PCDH9: variants seen among roughly 807,000 people sequenced by gnomAD.
The protein encoded by PCDH9 is protocadherin 9.
A neutral mutation model predicts 70.6 loss-of-function variants in PCDH9; 24 were observed. The ratio of observed to expected loss-of-function variants is 0.34; its 90% CI spans 0.25 to 0.48. The LOEUF (loss-of-function observed/expected upper bound fraction) is 0.48, where lower values mean the gene tolerates loss of function less well. Among genes scored for constraint, PCDH9 ranks in the 20% least tolerant of loss-of-function variants. PCDH9 has a pLI of 0.99. For synonymous variants in PCDH9, 562 were observed against 558.5 expected, an observed-to-expected ratio of 1.01 and a Z score of -0.09; for missense variants, 1,281 against 1,503.6, an observed-to-expected ratio of 0.85 and a Z score of 2.45.
chr13:67,213,231 A>G (rs1476009570), intron 2 of PCDH9: 4 of 104,448 alleles, frequency 3.8e-5, no homozygotes, highest in East Asian at 3.2e-4. Context: ...AAAAAAAAAA[A>G]AAAAAAAGAA....
chr13:67,120,718 G>A (rs979919202), intron 2 of PCDH9, among the ~76,000 whole-genome samples: 3 of 152,048 alleles, frequency 2.0e-5, no homozygotes, highest in African/African-American at 7.2e-5. Context: ...ATTTGAATCT[G>A]CAATGTCAAA....
chr13:66,882,069 C>T (rs74093649), intron 3 of PCDH9, among the ~76,000 whole-genome samples: 1 of 152,030 alleles, frequency 6.6e-6, no homozygotes, highest in African/African-American at 2.4e-5. Context: ...GCTAGAGAGC[C>T]AAGCCGCTAA....
At chr13:66,863,462 G>A (rs561970514) in intron 3 of PCDH9, among the ~76,000 whole-genome samples, 1 of 151,992 alleles carries the variant, frequency 6.6e-6, no homozygotes, top group Non-Finnish European at 1.5e-5. Context: ...AACTGACTTG[G>A]TATAATACCC....
intron 2 of PCDH9, among the ~76,000 whole-genome samples, chr13:66,968,340 C>A (rs1362846778): frequency 6.6e-6 from 1 of 151,920 alleles, no homozygotes; most frequent in Non-Finnish European, 1.5e-5. Flanking sequence ...ATGGGAATTA[C>A]CCCCATGGCT....
intron 4 of PCDH9, among the ~76,000 whole-genome samples, chr13:66,542,597 G>A (rs1477540537): frequency 6.6e-6 from 1 of 151,064 alleles, no homozygotes; most frequent in Non-Finnish European, 1.5e-5. Flanking sequence ...AATCGTGTGA[G>A]CCTATTCCTT....
chr13:67,139,064 G>A (rs1195259034), intron 2 of PCDH9, among the ~76,000 whole-genome samples: 1 of 152,128 alleles, frequency 6.6e-6, no homozygotes, highest in Non-Finnish European at 1.5e-5. Context: ...ATTCTCAAGG[G>A]CAAAACTCTA....
intron 2 of PCDH9, among the ~76,000 whole-genome samples, chr13:67,017,227 T>G (rs2084581301): frequency 6.6e-6 from 1 of 152,228 alleles, no homozygotes; most frequent in South Asian, 2.1e-4. Flanking sequence ...AATTTGATTT[T>G]ATAAGTAAAC....
intron 4 of PCDH9, among the ~76,000 whole-genome samples, chr13:66,550,065 T>C (rs982776775): frequency 2.0e-5 from 3 of 152,146 alleles, no homozygotes; most frequent in African/African-American, 7.2e-5. Context: ...GGAAAGTCTA[T>C]AATTCAAAAA....
intron 3 of PCDH9, among the ~76,000 whole-genome samples, chr13:66,743,703 A>C (rs2079310338): frequency 6.6e-6 from 1 of 152,194 alleles, no homozygotes; most frequent in Non-Finnish European, 1.5e-5. Context: ...AGCTTGATCT[A>C]GCTATTCTGC....
intron 4 of PCDH9, among the ~76,000 whole-genome samples, chr13:66,503,085 T>TA (rs1363503569): frequency 6.6e-6 from 1 of 152,120 alleles, no homozygotes; most frequent in Admixed American, 6.6e-5. Context: ...TATAATTAAA[T>TA]AAAAAATACA....
At position 67,089,054 on chromosome 13, in the gene PCDH9, C is replaced by T. The variant is rs138560901; in HGVS notation, c.3036+136351G>A. On this transcript the variant is annotated intron_variant, in intron 2 of 4. Coordinates refer to ENST00000377865, the MANE Select transcript of PCDH9 (RefSeq NM_203487.3). ...TTGCCTTCATCAAAATTTTTTCACCCAGTGAAGTTTTAAGGTTATTTCTGA... is the reference window on the plus strand; with the variant it reads ...TTGCCTTCATCAAAATTTTTTCACCTAGTGAAGTTTTAAGGTTATTTCTGA... Among the ~76,000 whole-genome samples the T allele has an allele frequency of 3.6e-3, 554 of 151,984 alleles. 5 individuals are homozygous for T. Among genetic ancestry groups the T allele is most frequent in the African/African-American group, 0.013 (532 of 41,446 alleles).
intron 3 of PCDH9, among the ~76,000 whole-genome samples, chr13:66,800,418 T>A (rs1012893333): frequency 6.6e-6 from 1 of 152,078 alleles, no homozygotes. Flanking sequence ...TTCATTCTAT[T>A]TTTTTATCAC....
At chr13:66,724,033 AG>A (rs2078974535) in intron 3 of PCDH9, among the ~76,000 whole-genome samples, 1 of 152,232 alleles carries the variant, frequency 6.6e-6, no homozygotes, top group Non-Finnish European at 1.5e-5. Flanking sequence ...CAGTGAATGA[AG>A]TAAAGAAATG....
At chr13:66,599,795 T>A (rs1300643856) in intron 4 of PCDH9, among the ~76,000 whole-genome samples, 1 of 151,816 alleles carries the variant, frequency 6.6e-6, no homozygotes, top group Non-Finnish European at 1.5e-5. Context: ...ATGCTCTCAG[T>A]TTAGACTATA....
rs1053907656 is a variant in PCDH9, at chr13:66,919,903, C to T, written c.3037-16298G>A. ...ATATATATTATTCGTATTTCTTATT[C>T]GGTTTTTAAACTATCCTGATGTTCA... On this transcript the variant is annotated intron_variant, in intron 2 of 4. Coordinates refer to ENST00000377865, the MANE Select transcript of PCDH9 (RefSeq NM_203487.3). 4.0e-5 allele frequency among the ~76,000 whole-genome samples: 6 copies of T among 150,980 alleles called. No individual in the cohort carries two copies. In the East Asian group the frequency reaches 7.8e-4, roughly 20 times the overall value.
chr13:66,694,789 T>C (rs1368981748), intron 3 of PCDH9, among the ~76,000 whole-genome samples: 3 of 152,098 alleles, frequency 2.0e-5, no homozygotes, highest in Admixed American at 2.0e-4. Flanking sequence ...CTCATTCGTG[T>C]TTGCATATTC....
chr13:66,779,873 A>ATATATATATATATATGTGTG (rs375882917), intron 3 of PCDH9, among the ~76,000 whole-genome samples: 2 of 115,878 alleles, frequency 1.7e-5, no homozygotes, highest in South Asian at 3.0e-4. Flanking sequence ...ATATACATAT[A>ATATATATATATATATGTGTG]TGTGTGTGTG....
chr13:66,574,160 GT>G (rs1455051623), intron 4 of PCDH9, among the ~76,000 whole-genome samples: 2 of 152,212 alleles, frequency 1.3e-5, no homozygotes, highest in African/African-American at 4.8e-5. Context: ...CACATTCTTA[GT>G]TGAGCCATTG....
rs186027301 is a variant in PCDH9 at position 66,748,252 on chromosome 13, T to C, written c.3139-116841A>G. ...TAGCAATAGTTGAATATAAAATGGA[T>C]GCTTCTAGAATTGTCTGTTTTGTTA... On this transcript the variant is annotated intron_variant, in intron 3 of 4. Coordinates refer to ENST00000377865, the MANE Select transcript of PCDH9 (RefSeq NM_203487.3). 3.3e-3 allele frequency among the ~76,000 whole-genome samples: 502 copies of C among 152,336 alleles called. 1 individual carries two copies. The highest frequency in any genetic ancestry group is 0.014 in the Middle Eastern group (4 of 294).
Sources: allele counts gnomAD v4.1 joint callset (sites outside exome capture counted in the v4.1 genomes callset), GRCh38; gene constraint gnomAD v4.1.1; transcripts MANE v1.5; gene names NCBI Gene and HGNC (gene_info 2026-07-23, HGNC 2026-07-21).